MOV10L1: variants seen among roughly 807,000 people sequenced by gnomAD.
The protein encoded by MOV10L1 is Mov10 like RNA helicase 1, also known as RNA helicase Mov10l1.
Under a neutral mutation model 143.8 loss-of-function variants are expected in MOV10L1, and 110 were observed. That is an observed-to-expected ratio of 0.76 (90% CI 0.66 to 0.90). MOV10L1 has a LOEUF of 0.90. Ranked by LOEUF, MOV10L1 falls within the 40% of genes least tolerant of loss-of-function variation. The probability of loss-of-function intolerance (pLI) is 0.00; values close to 1 mark genes in which losing one functional copy is unlikely to be tolerated. For missense variants in MOV10L1, 1,406 were observed against 1,526.8 expected, an observed-to-expected ratio of 0.92 and a Z score of 1.32; for synonymous variants, 593 against 581.1, an observed-to-expected ratio of 1.02 and a Z score of -0.29.
rs201882747 is a variant in MOV10L1 at position 50,113,742 on chromosome 22, G to A, written c.838G>A (p.Gly280Arg). 171 of 1,613,800 alleles carry A rather than the reference G, an allele frequency of 1.1e-4. No individual in the cohort carries two copies. The highest frequency in any genetic ancestry group is 1.4e-4 in the Non-Finnish European group (168 of 1,179,946). Residue 280 changes from glycine to arginine, a missense_variant, in exon 6 of 27, where the codon GGA (glycine) becomes AGA (arginine). Physicochemically the swap from Gly to Arg is moderately radical, Grantham distance 125. Around this residue, in one of 3 missense-constraint regions of MOV10L1, gnomAD observed 1,233 missense variants for 1,351.4 expected, o/e 0.91. Coordinates refer to ENST00000262794, the MANE Select transcript of MOV10L1 (RefSeq NM_018995.3). ...TGAAGTTACACAGGTGACGCATTTT[G>A]GAACCCTAAAGGAAGGAAGAAGTAA... ...DIEVTQVTHF[G>R]TLKEGRSKTM...
In MOV10L1 at chr22:50,128,844, TC is replaced by T. The variant is rs1433041329; in HGVS notation, c.1910+338del. ...AGGCGTGAGTCACCACGCCCGGCCA[TC>T]TTTTTTTTTTTTTAATAGAGATGGG... On this transcript the variant is annotated intron_variant, in intron 13 of 26. Coordinates refer to ENST00000262794, the MANE Select transcript of MOV10L1 (RefSeq NM_018995.3). Among the ~76,000 whole-genome samples, 5 of 150,554 alleles carry T rather than the reference TC, an allele frequency of 3.3e-5. No individual in the cohort carries two copies. In the East Asian group the frequency reaches 5.9e-4, roughly 18 times the overall value.
chr22:50,113,680 T>C lies in MOV10L1; in HGVS notation c.776T>C (p.Phe259Ser), dbSNP rs756022584. The change falls in exon 6 of 27, where the codon TTC becomes TCC. Residue 259 changes from phenylalanine to serine, a missense_variant. By Grantham distance (155) the Phe-to-Ser change is radical. Coordinates refer to ENST00000262794, the MANE Select transcript of MOV10L1 (RefSeq NM_018995.3). The stretch of plus-strand genomic sequence containing the variant: ...GCCCCTGTTCATGAGGCCACTCATT[T>C]CTATGGAACGATTTTGCTGAAGAAC... ...DAAPVHEATHFYGTILLKNKG... is the reference protein window; with the variant it reads ...DAAPVHEATHSYGTILLKNKG... The C allele has an allele frequency of 1.1e-4, 178 of 1,613,910 alleles. 4 individuals carry two copies. In the South Asian group the frequency reaches 1.9e-3, roughly 17 times the overall value.
chr22:50,119,634 G>A (rs1489948223), intron 9 of MOV10L1, among the ~76,000 whole-genome samples: 3 of 150,860 alleles, frequency 2.0e-5, no homozygotes, highest in East Asian at 1.9e-4. Flanking sequence ...TACCTTGTTC[G>A]TGTTAGTAAT....
In MOV10L1 at chr22:50,113,775, G is replaced by C. The variant is rs1325566377; in HGVS notation, c.871G>C (p.Val291Leu). The change falls in exon 6 of 27, where the codon GTG becomes CTG. Residue 291 changes from valine (V) to leucine (L), a missense_variant. Physicochemically the swap from Val to Leu is conservative, Grantham distance 32. Transcript: ENST00000262794. ...AAAGGAAGGAAGAAGTAAAACCATG[G>C]TGATCTGGATAGAGTGAGTTTGCCA... ...TLKEGRSKTM[V>L]IWIENKGDIP... The C allele has an allele frequency of 3.7e-6, 6 of 1,612,722 alleles. No individual in the cohort carries two copies. Among genetic ancestry groups the C allele is most frequent in the Non-Finnish European group, 4.2e-6 (5 of 1,179,322 alleles).
In MOV10L1 at chr22:50,145,818, C is replaced by T. The variant is rs1386280294; in HGVS notation, c.2627+8C>T. On this transcript the variant is annotated splice_region_variant and intron_variant, in intron 19 of 26. Transcript: ENST00000262794. ...TTACCAAATAGGAGTGAGGTGAGCC[C>T]CGGGCATGGAGCGCGGCATGGGGCC... The T allele has an allele frequency of 3.1e-6, 5 of 1,613,326 alleles. No individual in the cohort carries two copies. Among genetic ancestry groups the T allele is most frequent in the Non-Finnish European group, 3.4e-6 (4 of 1,179,920 alleles).
chr22:50,132,448 A>G (rs9617094), intron 13 of MOV10L1, among the ~76,000 whole-genome samples: 34,136 of 152,072 alleles, frequency 0.22, 4,183 homozygotes, highest in Admixed American at 0.35. Context: ...TGAAAAGGGT[A>G]TGTCTCTCCA....
chr22:50,146,090 G>C (rs2063145101), intron 19 of MOV10L1, among the ~76,000 whole-genome samples: 2 of 152,172 alleles, frequency 1.3e-5, no homozygotes, highest in Non-Finnish European at 2.9e-5. Context: ...CTCCCCAAAG[G>C]AGACTGTAGA....
intron 5 of MOV10L1, among the ~76,000 whole-genome samples, chr22:50,110,004 C>G (rs2061979465): frequency 6.6e-6 from 1 of 151,940 alleles, no homozygotes; most frequent in East Asian, 1.9e-4. Context: ...CAAAAATTAC[C>G]CGGTTGTGGT....
chr22:50,090,639 G>C, intron 1 of MOV10L1: 1 of 1,181,952 alleles, frequency 8.5e-7, no homozygotes, highest in East Asian at 2.6e-5. Context: ...CCCGGGATGC[G>C]CCCGGATGCC....
intron 13 of MOV10L1, among the ~76,000 whole-genome samples, chr22:50,129,859 T>G (rs1157864532): frequency 1.3e-5 from 2 of 152,218 alleles, no homozygotes. Flanking sequence ...GCTTGCGTCT[T>G]TTGCCCTCTT....
At chr22:50,138,257 GGCATCC>G (rs1169751350) in intron 15 of MOV10L1, among the ~76,000 whole-genome samples, 1 of 152,180 alleles carries the variant, frequency 6.6e-6, no homozygotes, top group Non-Finnish European at 1.5e-5. Flanking sequence ...AGAAAGAACA[GGCATCC>G]GCATCCTGTA....
Position 50,160,744 on chromosome 22 carries a change from C to T in MOV10L1, c.3381C>T (p.Ser1127=), listed in dbSNP as rs2147039391. 1 of 1,613,880 alleles carries T rather than the reference C, an allele frequency of 6.2e-7. No individual in the cohort carries two copies. Among genetic ancestry groups the T allele is most frequent in the Non-Finnish European group, 8.5e-7 (1 of 1,179,950 alleles). ...ATCGATATTTTTTGGGTTTCTTGTC[C>T]AACTCAAAAAGATTTAATGTTGCAA... ...EDDRYFLGFL[S]NSKRFNVAIT... Residue 1127 remains serine (S), a synonymous_variant, in exon 25 of 27, where the codon TCC becomes TCT. Transcript: ENST00000262794.
At chr22:50,128,540 CTTTTTTTTTTTTT>C in intron 13 of MOV10L1, 33 bp downstream of exon 13, 8 of 486,124 alleles carry the variant, frequency 1.6e-5, no homozygotes, top group East Asian at 4.6e-5. Context: ...TTTCAAATGT[CTTTTTTTTTTTTT>C]TTTTTTTTTG....
At chr22:50,123,705 T>C (rs1216332877) in intron 10 of MOV10L1, among the ~76,000 whole-genome samples, 1 of 152,242 alleles carries the variant, frequency 6.6e-6, no homozygotes, top group Non-Finnish European at 1.5e-5. Flanking sequence ...CTCTTGAATT[T>C]TTTGGAAAAG....
In MOV10L1 at chr22:50,150,804, C is replaced by G; in HGVS notation, c.2797C>G (p.Leu933Val). The change falls in exon 21 of 27, where the codon CTG becomes GTG. Residue 933 changes from leucine (L) to valine (V), a missense_variant. Transcript: ENST00000262794. ...IKSRLAMAYG[L>V]NVSFLERLMS... The stretch of plus-strand genomic sequence containing the variant: ...GTCCAGACTCGCCATGGCCTATGGG[C>G]TGAACGTGTCCTTTTTGGAACGGCT... 1.9e-6 allele frequency: 3 copies of G among 1,614,212 alleles called. No homozygotes were observed. The highest frequency in any genetic ancestry group is 2.5e-6 in the Non-Finnish European group (3 of 1,180,022).
chr22:50,155,727 G>A (rs1291822509), intron 22 of MOV10L1, among the ~76,000 whole-genome samples: 2 of 152,172 alleles, frequency 1.3e-5, no homozygotes, highest in African/African-American at 4.8e-5. Context: ...GCCCGCCTTG[G>A]CCTCCCAAAG....
At chr22:50,093,357 TTGAC>T (rs766196538) in intron 2 of MOV10L1, 11 of 152,212 alleles carry the variant, frequency 7.2e-5, no homozygotes, top group Admixed American at 2.0e-4. Context: ...AGGATCATCT[TTGAC>T]TGTGTTTTAT....
chr22:50,103,942 G>A (rs1046081046), intron 3 of MOV10L1, among the ~76,000 whole-genome samples: 1 of 152,062 alleles, frequency 6.6e-6, no homozygotes, highest in Non-Finnish European at 1.5e-5. Flanking sequence ...TTATTATTAT[G>A]TTGTAATTTA....
intron 15 of MOV10L1, among the ~76,000 whole-genome samples, chr22:50,137,770 T>TTA (rs200745891): frequency 1.4e-5 from 2 of 141,702 alleles, no homozygotes; most frequent in African/African-American, 5.1e-5. Context: ...TATACATATT[T>TTA]TATATATATA....
Sources: gnomAD v4.1 joint callset for allele counts (sites outside exome capture counted in the v4.1 genomes callset) on GRCh38, gnomAD v4.1.1 for gene constraint, gnomAD v4.1.1 regional missense constraint, MANE v1.5 for transcripts, NCBI Gene and HGNC (gene_info 2026-07-23, HGNC 2026-07-21) for gene names.